CYREN: variants seen among roughly 807,000 people sequenced by gnomAD.
The protein encoded by CYREN is cell cycle regulator of NHEJ, also known as cell cycle regulator of non-homologous end joining.
A neutral mutation model predicts 9.7 loss-of-function variants in CYREN; 7 were observed. The ratio of observed to expected loss-of-function variants is 0.72; its 90% CI spans 0.41 to 1.36. CYREN has a LOEUF of 1.36. Ranked by LOEUF, CYREN falls within the 40% of genes most tolerant of loss-of-function variation. The probability of loss-of-function intolerance (pLI) is 0.01; values close to 1 mark genes in which losing one functional copy is unlikely to be tolerated. For synonymous variants in CYREN, 76 were observed against 77.9 expected (o/e 0.98, Z 0.13); for missense variants, 215 against 198.1 (o/e 1.09, Z -0.51).
intron 2 of CYREN, among the ~76,000 whole-genome samples, chr7:135,105,933 C>T (rs140656008): frequency 5.4e-4 from 82 of 152,134 alleles, no homozygotes; most frequent in African/African-American, 1.9e-3. Flanking sequence ...TTGTAATTTT[C>T]ATTGTAGAGA....
At chr7:135,145,015 A>G (rs1829521752) in intron 2 of CYREN, among the ~76,000 whole-genome samples, 1 of 150,120 alleles carries the variant, frequency 6.7e-6, no homozygotes, top group Admixed American at 6.6e-5. Flanking sequence ...AAAAATGGCA[A>G]ACTGGATACA....
chr7:135,106,796 T>C (rs1824790753), intron 2 of CYREN, among the ~76,000 whole-genome samples: 1 of 152,192 alleles, frequency 6.6e-6, no homozygotes, highest in African/African-American at 2.4e-5. Context: ...TGGTACCAGC[T>C]CGTCTTTGTA....
chr7:135,118,926 T>C (rs1826716968), intron 2 of CYREN, among the ~76,000 whole-genome samples: 1 of 151,226 alleles, frequency 6.6e-6, no homozygotes, highest in Non-Finnish European at 1.5e-5. Context: ...GAGGAAAGAG[T>C]CAGTGAATTG....
intron 2 of CYREN, among the ~76,000 whole-genome samples, chr7:135,100,619 C>T (rs983413969): frequency 5.3e-5 from 8 of 152,114 alleles, no homozygotes; most frequent in African/African-American, 1.9e-4. Context: ...TCTCTTGCCC[C>T]AGAAATATAG....
intron 3 of CYREN, chr7:135,167,082 C>G: frequency 6.1e-6 from 6 of 985,280 alleles, no homozygotes; most frequent in Non-Finnish European, 7.2e-6. Flanking sequence ...CCAGAACCCA[C>G]TCGGGAGAGA....
At chr7:135,129,817 G>A (rs1422622620) in intron 2 of CYREN, 6 of 494,442 alleles carry the variant, frequency 1.2e-5, no homozygotes, top group South Asian at 1.2e-4. Flanking sequence ...AGATATGGAA[G>A]AACAAGATTT....
At chr7:135,144,419 C>T (rs1829505819) in intron 2 of CYREN, among the ~76,000 whole-genome samples, 1 of 152,094 alleles carries the variant, frequency 6.6e-6, no homozygotes, top group Non-Finnish European at 1.5e-5. Flanking sequence ...TTGTTTGGAA[C>T]AGAGTGTGGG....
intron 2 of CYREN, among the ~76,000 whole-genome samples, chr7:135,111,044 C>G (rs1441817164): frequency 6.6e-6 from 1 of 152,150 alleles, no homozygotes; most frequent in Non-Finnish European, 1.5e-5. Context: ...TTTCCTCTCT[C>G]TCTCCTACCT....
intron 2 of CYREN, chr7:135,148,242 T>G (rs949491130): frequency 2.5e-6 from 1 of 399,580 alleles, no homozygotes; most frequent in Non-Finnish European, 4.9e-6. Context: ...TTTTCATGAG[T>G]GTTCCTGTGG....
chr7:135,139,676 G>A (rs1829417359), intron 2 of CYREN, among the ~76,000 whole-genome samples: 1 of 151,928 alleles, frequency 6.6e-6, no homozygotes, highest in South Asian at 2.1e-4. Flanking sequence ...TATTTTCCAG[G>A]TTTTCTTCTA....
At position 135,128,707 on chromosome 7, in the gene CYREN, T is replaced by C. The variant is rs1585282899; in HGVS notation, n.357-34125A>G. ...ATTGTCTCTCCTTTTGAGCTCAAGA[T>C]TGATTCTCAGAAAAAAAGTGCAGAG... On this transcript the variant is annotated intron_variant and non_coding_transcript_variant, in intron 2 of 2. Coordinates refer to the CYREN transcript ENST00000459937. The C allele has an allele frequency of 1.8e-5, 24 of 1,364,064 alleles. No individual in the cohort carries two copies. In the East Asian group the frequency reaches 4.8e-4, roughly 27 times the overall value. The allele number at this position is 1,364,064 out of a possible 1,614,324, so 84.5% of individuals were successfully genotyped here. A position where few individuals can be genotyped will look rare whatever the true frequency, so the allele number is the denominator to read the frequency against.
chr7:135,121,960 A>G (rs1827197414), intron 2 of CYREN, among the ~76,000 whole-genome samples: 1 of 152,234 alleles, frequency 6.6e-6, no homozygotes, highest in Non-Finnish European at 1.5e-5. Context: ...TCCCAACCCC[A>G]GAGCCGTGAA....
At chr7:135,168,718 C>A in intron 2 of CYREN, 68 bp downstream of exon 2, 1 of 1,569,892 alleles carries the variant, frequency 6.4e-7, no homozygotes, top group Non-Finnish European at 8.6e-7. Flanking sequence ...GAAGACCTGG[C>A]CCAGGTCATG....
Position 135,159,315 on chromosome 7 carries a change from A to C in CYREN, n.356+9434T>G, listed in dbSNP as rs146227493. On this transcript the variant is annotated intron_variant and non_coding_transcript_variant, in intron 2 of 2. Transcript: ENST00000459937. ...CCTTTCGAAAATTTACTCTTTCAAT[A>C]AGAACCTGACAAATACATAATTTAG... Among the ~76,000 whole-genome samples the C allele has an allele frequency of 8.5e-5, 13 of 152,364 alleles. No individual in the cohort carries two copies. The East Asian group carries it at 2.3e-3, about 27-fold the overall frequency.
At position 135,166,408 on chromosome 7, in the gene CYREN, C is replaced by A; in HGVS notation, c.*203G>T. On this transcript the variant is annotated 3_prime_UTR_variant, in exon 4 of 4. Coordinates refer to ENST00000393114, the MANE Select transcript of CYREN (RefSeq NM_024033.4). ...AATGGGATCTCATTTTGAGTCCTGCCTTCCGCACACTCAGAACGGCAGCCC... is the reference window on the plus strand; with the variant it reads ...AATGGGATCTCATTTTGAGTCCTGCATTCCGCACACTCAGAACGGCAGCCC... 1.5e-6 allele frequency: 1 copy of A among 684,510 alleles called. No individual in the cohort carries two copies. Among genetic ancestry groups the A allele is most frequent in the Non-Finnish European group, 2.3e-6 (1 of 433,132 alleles). 42.4% of individuals were successfully genotyped at this position (684,510 alleles called of 1,614,324 possible).
At position 135,149,735 on chromosome 7, in the gene CYREN, C is replaced by T. The variant is rs977184646; in HGVS notation, n.356+19014G>A. Among the ~76,000 whole-genome samples, 5 of 152,092 alleles carry T rather than the reference C, an allele frequency of 3.3e-5. No homozygotes were observed. In the South Asian group the frequency reaches 1.0e-3, roughly 31 times the overall value. On this transcript the variant is annotated intron_variant and non_coding_transcript_variant, in intron 2 of 2. Coordinates refer to the CYREN transcript ENST00000459937. The stretch of plus-strand genomic sequence containing the variant: ...AGGGAAACTCTGGTTTTTTACTTGG[C>T]GTATCTTTAATTACATTAGAAAAGT...
intron 2 of CYREN, among the ~76,000 whole-genome samples, chr7:135,101,643 T>C (rs914949129): frequency 6.6e-6 from 1 of 152,170 alleles, no homozygotes; most frequent in African/African-American, 2.4e-5. Flanking sequence ...AACCATCTTT[T>C]ACTTCATCAC....
At chr7:135,096,087 G>A (rs1466594352) in intron 2 of CYREN, among the ~76,000 whole-genome samples, 6 of 151,954 alleles carry the variant, frequency 3.9e-5, no homozygotes, top group Non-Finnish European at 7.4e-5. Flanking sequence ...GGGAGGCGGA[G>A]GTTGCAGTGA....
chr7:135,117,655 A>T (rs961951847), intron 2 of CYREN, among the ~76,000 whole-genome samples: 1 of 152,194 alleles, frequency 6.6e-6, no homozygotes, highest in Non-Finnish European at 1.5e-5. Flanking sequence ...CAACAACAAA[A>T]ATCAACCTGA....
Sources: allele counts gnomAD v4.1 joint callset (sites outside exome capture counted in the v4.1 genomes callset), GRCh38; gene constraint gnomAD v4.1.1; transcripts MANE v1.5; gene names NCBI Gene and HGNC (gene_info 2026-07-23, HGNC 2026-07-21).